The following RELN variants were observed in gnomAD, a reference collection of about 807,000 sequenced individuals.
RELN encodes the protein reelin.
In RELN, 108 loss-of-function variants were observed where a neutral mutation model predicts 427.6. That is an observed-to-expected ratio of 0.25 (90% CI 0.22 to 0.30). The LOEUF is 0.30. RELN is among the 10% of genes least tolerant of loss of function. The pLI, the probability that RELN is intolerant of heterozygous loss-of-function variation, is 1.00. For synonymous variants in RELN, 1,524 were observed against 1,513.4 expected (o/e 1.01, Z -0.16); for missense variants, 3,715 against 4,302.8 (o/e 0.86, Z 3.82).
intron 3 of RELN, among the ~76,000 whole-genome samples, chr7:103,825,031 A>C (rs779901389): frequency 3.3e-5 from 5 of 152,064 alleles, no homozygotes; most frequent in African/African-American, 1.2e-4. Flanking sequence ...TGCCTGGTAC[A>C]CCAGTACTCA....
At position 103,953,294 on chromosome 7, in the gene RELN, A is replaced by G. The variant is rs1646726402; in HGVS notation, c.226+35837T>C. On this transcript the variant is annotated intron_variant, in intron 1 of 64. Transcript: ENST00000428762. The surrounding 1 kb of genome is among the most constrained non-coding windows in gnomAD (Gnocchi z 4.3). ...GCCCTACTTGAAACTCACAATAACA[A>G]GTGGAAGGGTTATTGTTTTATCATT... Among the ~76,000 whole-genome samples, 2 of 152,214 alleles carry G rather than the reference A, an allele frequency of 1.3e-5. No individual in the cohort carries two copies. Among genetic ancestry groups the G allele is most frequent in the Admixed American group, 1.3e-4 (2 of 15,288 alleles).
At chr7:103,540,123 G>A in intron 44 of RELN, 74 bp downstream of exon 44, 1 of 1,556,426 alleles carries the variant, frequency 6.4e-7, no homozygotes, top group Non-Finnish European at 8.8e-7. Context: ...CAAGCAGGTT[G>A]AACTAAATGC....
intron 1 of RELN, among the ~76,000 whole-genome samples, chr7:103,938,097 C>T (rs1796026621): frequency 6.6e-6 from 1 of 151,966 alleles, no homozygotes; most frequent in Non-Finnish European, 1.5e-5. Context: ...AAGGTGGTCA[C>T]ATCACTTGAG....
intron 2 of RELN, among the ~76,000 whole-genome samples, chr7:103,907,914 A>G (rs1795253054): frequency 6.6e-6 from 1 of 151,966 alleles, no homozygotes; most frequent in Admixed American, 6.6e-5. Context: ...TTTACGCTCC[A>G]CATGCATTAG....
At position 103,751,009 on chromosome 7, in the gene RELN, G is replaced by A. The variant is rs533130829; in HGVS notation, c.578-1505C>T. Among the ~76,000 whole-genome samples the A allele has an allele frequency of 1.2e-4, 18 of 152,182 alleles. No homozygotes were observed. The South Asian group carries it at 3.7e-3, about 32-fold the overall frequency. ...TAAACTCACTTTCATGGCTGGCTAC[G>A]GTGTAAGTGTGCTTATTTTAAAGGT... On this transcript the variant is annotated intron_variant, in intron 5 of 64. Coordinates refer to ENST00000428762, the MANE Select transcript of RELN (RefSeq NM_005045.4).
chr7:103,534,716 C>T (rs1170391285), intron 46 of RELN, among the ~76,000 whole-genome samples: 4 of 152,064 alleles, frequency 2.6e-5, no homozygotes, highest in African/African-American at 9.7e-5. Context: ...GTCTTGAACT[C>T]CTAGTCTCAA....
chr7:103,662,833 T>C (rs995219216), intron 11 of RELN, among the ~76,000 whole-genome samples: 4 of 152,264 alleles, frequency 2.6e-5, no homozygotes, highest in Admixed American at 2.0e-4. Flanking sequence ...CATGATTACA[T>C]CTCTCCTTTG....
At position 103,563,888 on chromosome 7, in the gene RELN, A is replaced by G. The variant is rs1455916732; in HGVS notation, c.5210+1390T>C. 6.6e-6 allele frequency among the ~76,000 whole-genome samples: 1 copy of G among 152,254 alleles called. No individual in the cohort carries two copies. The highest frequency in any genetic ancestry group is 2.4e-5 in the African/African-American group (1 of 41,472). ...ATAGCAATATGCTGTACAGCTTTGT[A>G]GCTGAGGAGCAATAGGCTATATCAT... is the stretch of plus-strand genomic sequence containing the variant. On this transcript the variant is annotated intron_variant, in intron 34 of 64. Coordinates refer to ENST00000428762, the MANE Select transcript of RELN (RefSeq NM_005045.4). This position sits in a 1 kb window ranked among gnomAD's most constrained non-coding sequence, Gnocchi z 4.1.
intron 2 of RELN, among the ~76,000 whole-genome samples, chr7:103,903,285 T>C (rs2116625033): frequency 6.6e-6 from 1 of 152,118 alleles, no homozygotes; most frequent in East Asian, 1.9e-4. Context: ...TTTTTTTTTT[T>C]TTCCTCAATT....
At chr7:103,719,219 T>C (rs541566650) in intron 8 of RELN, among the ~76,000 whole-genome samples, 2 of 152,296 alleles carry the variant, frequency 1.3e-5, no homozygotes, top group Admixed American at 1.3e-4. Context: ...TGCTCATAGC[T>C]ACCAGGCCCA....
chr7:103,775,335 A>C (rs537155701), intron 4 of RELN, among the ~76,000 whole-genome samples: 1 of 152,294 alleles, frequency 6.6e-6, no homozygotes, highest in Non-Finnish European at 1.5e-5. Flanking sequence ...AATATGTTTG[A>C]AACTATAACT....
Position 103,800,980 on chromosome 7 carries a change from A to G in RELN, c.474-24353T>C, listed in dbSNP as rs553452808. ...ATGCAGCCAAAAGACACATGAAAAAATGCTCATTATCACTGGCCATCAGAG... is the reference window on the plus strand; with the variant it reads ...ATGCAGCCAAAAGACACATGAAAAAGTGCTCATTATCACTGGCCATCAGAG... On this transcript the variant is annotated intron_variant, in intron 3 of 64. Coordinates refer to ENST00000428762, the MANE Select transcript of RELN (RefSeq NM_005045.4). 5.4e-4 allele frequency among the ~76,000 whole-genome samples: 83 copies of G among 152,362 alleles called. 1 individual carries two copies. The highest frequency in any genetic ancestry group is 8.7e-4 in the Non-Finnish European group (59 of 68,032).
intron 11 of RELN, among the ~76,000 whole-genome samples, chr7:103,677,653 C>T (rs1833565992): frequency 6.8e-6 from 1 of 147,404 alleles, no homozygotes; most frequent in Non-Finnish European, 1.5e-5. Flanking sequence ...GTAATCTCAG[C>T]TACTGGGGAG....
intron 6 of RELN, among the ~76,000 whole-genome samples, chr7:103,736,280 T>C (rs1051785431): frequency 1.3e-4 from 20 of 152,216 alleles, no homozygotes; most frequent in Non-Finnish European, 2.8e-4. Flanking sequence ...GCATGACCAT[T>C]ACACCTGTAA....
chr7:103,716,989 G>A (rs1789954132), intron 8 of RELN, among the ~76,000 whole-genome samples: 1 of 152,026 alleles, frequency 6.6e-6, no homozygotes, highest in South Asian at 2.1e-4. Context: ...CCCCCAAAAT[G>A]TTAATAGCAC....
chr7:103,631,009 T>C (rs931388702), intron 19 of RELN, among the ~76,000 whole-genome samples: 3 of 152,216 alleles, frequency 2.0e-5, no homozygotes, highest in African/African-American at 7.2e-5. Context: ...CATATTTTTA[T>C]TGTGTGAAGA....
At chr7:103,673,265 T>C (rs1401987830) in intron 11 of RELN, among the ~76,000 whole-genome samples, 1 of 152,120 alleles carries the variant, frequency 6.6e-6, no homozygotes, top group African/African-American at 2.4e-5. Context: ...AGAAGTTATA[T>C]AACCTCTATC....
At chr7:103,521,943 T>C in intron 48 of RELN, 79 bp downstream of exon 48, 3 of 1,454,436 alleles carry the variant, frequency 2.1e-6, no homozygotes, top group East Asian at 2.3e-5. Context: ...GATTTGCCCA[T>C]TAAACTTCAG....
chr7:103,945,960 C>T (rs1007153083), intron 1 of RELN, among the ~76,000 whole-genome samples: 3 of 152,156 alleles, frequency 2.0e-5, no homozygotes, highest in African/African-American at 4.8e-5. Context: ...AAGTGCCGTA[C>T]ACTCTGATGT....
Sources: allele counts gnomAD v4.1 joint callset (sites outside exome capture counted in the v4.1 genomes callset), GRCh38; gene constraint gnomAD v4.1.1; non-coding constraint Gnocchi (gnomAD v3.1); transcripts MANE v1.5; gene names NCBI Gene and HGNC (gene_info 2026-07-23, HGNC 2026-07-21).